Variants in TXNRD1 observed in about 807,000 individuals in gnomAD.
TXNRD1 encodes the protein thioredoxin reductase 1.
A neutral mutation model predicts 80.3 loss-of-function variants in TXNRD1; 57 were observed. The ratio of observed to expected loss-of-function variants is 0.71; its 90% confidence interval spans 0.57 to 0.89. The LOEUF (loss-of-function observed/expected upper bound fraction) is 0.89, where lower values mean the gene tolerates loss of function less well. TXNRD1 is among the 40% of genes least tolerant of loss of function. The pLI, the probability that TXNRD1 is intolerant of heterozygous loss-of-function variation, is 0.00. For synonymous variants in TXNRD1, 291 were observed against 285.2 expected, an observed-to-expected ratio of 1.02 and a Z score of -0.20; for missense variants, 730 against 803.0, an observed-to-expected ratio of 0.91 and a Z score of 1.10.
chr12:104,228,856 A>G (rs2032537728), intron 1 of TXNRD1, among the ~76,000 whole-genome samples: 1 of 151,650 alleles, frequency 6.6e-6, no homozygotes, highest in Admixed American at 6.6e-5. Context: ...AGTAGCTGGG[A>G]CTACAGGCGC....
chr12:104,301,017 A>G (rs1225974479), intron 4 of TXNRD1, among the ~76,000 whole-genome samples: 4 of 152,200 alleles, frequency 2.6e-5, no homozygotes, highest in Non-Finnish European at 4.4e-5. Context: ...TTACATGTTA[A>G]TAAAGTTCTT....
intron 1 of TXNRD1, among the ~76,000 whole-genome samples, chr12:104,226,003 C>T (rs1443172877): frequency 1.3e-5 from 2 of 151,976 alleles, no homozygotes; most frequent in African/African-American, 4.8e-5. Flanking sequence ...AGTTCAAGAC[C>T]AGCCTGACCA....
chr12:104,339,927 G>A (rs1201173293), intron 16 of TXNRD1, among the ~76,000 whole-genome samples: 1 of 152,222 alleles, frequency 6.6e-6, no homozygotes. Flanking sequence ...CTTCCAAGGT[G>A]TACATTGCAC....
chr12:104,335,493 C>T (rs2036107316), intron 15 of TXNRD1, among the ~76,000 whole-genome samples: 1 of 152,160 alleles, frequency 6.6e-6, no homozygotes, highest in African/African-American at 2.4e-5. Context: ...AGCCACCGCG[C>T]CCGGCCTATT....
chr12:104,266,982 A>C (rs2033506298), intron 3 of TXNRD1, among the ~76,000 whole-genome samples: 2 of 150,926 alleles, frequency 1.3e-5, no homozygotes, highest in African/African-American at 4.9e-5. Flanking sequence ...AAATAAAATA[A>C]AATAAAATAA....
intron 3 of TXNRD1, among the ~76,000 whole-genome samples, chr12:104,282,380 C>G (rs1400760286): frequency 1.3e-5 from 2 of 152,188 alleles, no homozygotes; most frequent in Non-Finnish European, 2.9e-5. Context: ...GTGCTTTTCC[C>G]CCTAGCCCCT....
At chr12:104,259,052 G>C (rs1269002732) in intron 3 of TXNRD1, among the ~76,000 whole-genome samples, 1 of 152,028 alleles carries the variant, frequency 6.6e-6, no homozygotes, top group East Asian at 1.9e-4. Context: ...CAGAGTCCTG[G>C]GCATTGACAG....
intron 2 of TXNRD1, among the ~76,000 whole-genome samples, chr12:104,254,630 G>GA (rs760022093): frequency 0.29 from 4,974 of 17,324 alleles, 896 homozygotes; most frequent in East Asian, 0.52. Context: ...TATGTCTATG[G>GA]AAAAAAAAAA....
chr12:104,334,133 G>T, intron 14 of TXNRD1, 104 bp from the exon 15 acceptor site: 1 of 450,268 alleles, frequency 2.2e-6, no homozygotes. Flanking sequence ...ATTATTTAAT[G>T]AAAGTCTACT....
chr12:104,255,445 GC>G (rs1277251927), intron 2 of TXNRD1, among the ~76,000 whole-genome samples: 1 of 152,074 alleles, frequency 6.6e-6, no homozygotes, highest in Non-Finnish European at 1.5e-5. Context: ...ATTAAAACTA[GC>G]CTGGGAATGA....
intron 16 of TXNRD1, among the ~76,000 whole-genome samples, chr12:104,341,055 A>C (rs1399539548): frequency 6.6e-6 from 1 of 152,212 alleles, no homozygotes; most frequent in Non-Finnish European, 1.5e-5. Flanking sequence ...GCTGTGATCC[A>C]GCAGCAGCGT....
At chr12:104,257,983 T>A in intron 2 of TXNRD1, 36 bp from the exon 3 acceptor site, 1 of 1,487,504 alleles carries the variant, frequency 6.7e-7, no homozygotes. Flanking sequence ...ATAACCTCAT[T>A]TTTCATTTTC....
intron 16 of TXNRD1, among the ~76,000 whole-genome samples, chr12:104,343,076 C>T (rs896912982): frequency 5.3e-5 from 8 of 152,140 alleles, no homozygotes; most frequent in African/African-American, 1.9e-4. Flanking sequence ...GAGGTGACAG[C>T]GAGGACGAAA....
intron 4 of TXNRD1, chr12:104,291,121 G>T: frequency 1.7e-6 from 1 of 581,998 alleles, no homozygotes; most frequent in South Asian, 1.8e-5. Context: ...TGCCATGAAT[G>T]AAAAGCATAC....
chr12:104,235,895 G>A (rs1339808397), intron 1 of TXNRD1, among the ~76,000 whole-genome samples: 1 of 152,148 alleles, frequency 6.6e-6, no homozygotes, highest in Non-Finnish European at 1.5e-5. Context: ...CTGTCTTCTT[G>A]TGCTAAGTCA....
At position 104,301,103 on chromosome 12, in the gene TXNRD1, AGCAAGTTGTGTGG is replaced by A. The variant is rs541015935; in HGVS notation, c.415-10184_415-10172del. Among the ~76,000 whole-genome samples the A allele has an allele frequency of 2.5e-3, 388 of 152,348 alleles. 2 individuals are homozygous for A. The highest frequency in any genetic ancestry group is 3.8e-3 in the Non-Finnish European group (260 of 68,038). ...TGCCTCGATATGCTCTGTTGCTCTG[AGCAAGTTGTGTGG>A]GCTGTTATCTCCTGAGAAATCCCTG... On this transcript the variant is annotated intron_variant, in intron 4 of 16. Coordinates refer to ENST00000525566, the MANE Select transcript of TXNRD1 (RefSeq NM_001093771.3).
At chr12:104,319,795 G>T (rs1425785836) in intron 9 of TXNRD1, among the ~76,000 whole-genome samples, 2 of 152,140 alleles carry the variant, frequency 1.3e-5, no homozygotes, top group African/African-American at 4.8e-5. Flanking sequence ...TTCAAACATT[G>T]GTCATCTTGC....
At chr12:104,304,061 C>T in intron 4 of TXNRD1, 2 of 1,613,874 alleles carry the variant, frequency 1.2e-6, no homozygotes, top group African/African-American at 2.7e-5. Flanking sequence ...CATCCGCAGG[C>T]AGTACCGGCA....
chr12:104,224,587 T>C (rs950788074), intron 1 of TXNRD1, among the ~76,000 whole-genome samples: 59 of 152,212 alleles, frequency 3.9e-4, no homozygotes, highest in African/African-American at 1.4e-3. Flanking sequence ...GGTTTCACCA[T>C]GTTGGCCAGG....
Sources: gnomAD v4.1 joint callset for allele counts (sites outside exome capture counted in the v4.1 genomes callset) on GRCh38, gnomAD v4.1.1 for gene constraint, MANE v1.5 for transcripts, NCBI Gene and HGNC (gene_info 2026-07-23, HGNC 2026-07-21) for gene names.